NAV2: variants seen among roughly 807,000 people sequenced by gnomAD.
NAV2 encodes neuron navigator 2, also known as helicase, APC down-regulated 1.
NAV2 carries 54 observed loss-of-function variants against 223.2 expected under a neutral mutation model. The ratio of observed to expected loss-of-function variants is 0.24; its 90% confidence interval spans 0.19 to 0.30. NAV2 has a LOEUF of 0.30. Ranked by LOEUF, NAV2 falls within the 10% of genes least tolerant of loss-of-function variation. The pLI, the probability that NAV2 is intolerant of heterozygous loss-of-function variation, is 1.00. For missense variants in NAV2, 2,806 were observed against 3,147.5 expected, an observed-to-expected ratio of 0.89 and a Z score of 2.60; for synonymous variants, 1,279 against 1,239.3, an observed-to-expected ratio of 1.03 and a Z score of -0.67.
intron 1 of NAV2, among the ~76,000 whole-genome samples, chr11:19,726,334 C>T (rs1397571994): frequency 6.6e-6 from 1 of 152,198 alleles, no homozygotes; most frequent in Non-Finnish European, 1.5e-5. Context: ...TTATTTTCCC[C>T]AGTCTCCCAA....
chr11:19,459,204 A>C (rs1434468251), intron 1 of NAV2, among the ~76,000 whole-genome samples: 1 of 152,218 alleles, frequency 6.6e-6, no homozygotes, highest in Non-Finnish European at 1.5e-5. Context: ...CATTGAATTG[A>C]CCGGGGGTAG....
intron 11 of NAV2, among the ~76,000 whole-genome samples, chr11:20,028,720 G>C (rs1346805050): frequency 6.6e-6 from 1 of 152,160 alleles, no homozygotes; most frequent in Non-Finnish European, 1.5e-5. Context: ...GAAAATGGGG[G>C]TGGAATAATA....
intron 1 of NAV2, among the ~76,000 whole-genome samples, chr11:19,739,076 C>A (rs2152448853): frequency 6.6e-6 from 1 of 152,266 alleles, no homozygotes; most frequent in Admixed American, 6.5e-5. Context: ...AGCTACTCAG[C>A]AGGCTAAGGT....
intron 11 of NAV2, among the ~76,000 whole-genome samples, chr11:19,985,389 T>C (rs950528148): frequency 6.6e-6 from 1 of 152,162 alleles, no homozygotes; most frequent in African/African-American, 2.4e-5. Context: ...GAATGTGTCC[T>C]CCTTAGAGTC....
At chr11:20,095,572 C>CA in intron 29 of NAV2, 100 bp from the exon 30 acceptor site, 1 of 791,480 alleles carries the variant, frequency 1.3e-6, no homozygotes, top group Non-Finnish European at 2.2e-6. Flanking sequence ...ATTCCCCTCT[C>CA]AAACCATTGG....
chr11:19,673,760 A>G (rs1030515613), intron 1 of NAV2, among the ~76,000 whole-genome samples: 5 of 152,192 alleles, frequency 3.3e-5, no homozygotes, highest in Admixed American at 2.0e-4. Flanking sequence ...CCTCCCTTCC[A>G]TGATGGGTTA....
chr11:19,870,257 G>A (rs989860191), intron 4 of NAV2, among the ~76,000 whole-genome samples: 1 of 152,136 alleles, frequency 6.6e-6, no homozygotes, highest in Admixed American at 6.5e-5. Flanking sequence ...TTGCTGGGGG[G>A]CGGGGGTTTG....
At chr11:19,958,815 T>A (rs932562655) in intron 10 of NAV2, among the ~76,000 whole-genome samples, 2 of 152,096 alleles carry the variant, frequency 1.3e-5, no homozygotes, top group African/African-American at 4.8e-5. Flanking sequence ...GGCATTGTCA[T>A]GTTATTATGA....
chr11:20,037,015 G>A lies in NAV2; in HGVS notation c.2907+918G>A, dbSNP rs570228356. 2.6e-5 allele frequency among the ~76,000 whole-genome samples: 4 copies of A among 152,288 alleles called. No individual in the cohort carries two copies. The South Asian group carries it at 8.3e-4, about 32-fold the overall frequency. The stretch of plus-strand genomic sequence containing the variant: ...TGGTTCTGAAAGGCCCATTTTACTA[G>A]TGGAAACGTAAAGTGCTGTCCTCAC... On this transcript the variant is annotated intron_variant, in intron 12 of 37. Transcript: ENST00000349880.
At chr11:19,527,202 G>C (rs1278078643) in intron 1 of NAV2, among the ~76,000 whole-genome samples, 1 of 152,090 alleles carries the variant, frequency 6.6e-6, no homozygotes, top group Non-Finnish European at 1.5e-5. Flanking sequence ...CTGTTCTCAT[G>C]GTAATGAATA....
chr11:19,637,266 T>C (rs1379994328), intron 1 of NAV2, among the ~76,000 whole-genome samples: 1 of 152,196 alleles, frequency 6.6e-6, no homozygotes, highest in Non-Finnish European at 1.5e-5. Flanking sequence ...TTTGGCCTCC[T>C]GGCCACATGG....
chr11:19,888,944 A>G (rs1433396433), intron 5 of NAV2, among the ~76,000 whole-genome samples: 1 of 152,110 alleles, frequency 6.6e-6, no homozygotes, highest in Non-Finnish European at 1.5e-5. Context: ...TTACCAATAC[A>G]TCTGTAATCT....
In NAV2 at chr11:20,068,373, C is replaced by G; in HGVS notation, c.4958C>G (p.Ala1653Gly). 6.2e-7 allele frequency: 1 copy of G among 1,614,114 alleles called. No homozygotes were observed. The highest frequency in any genetic ancestry group is 1.1e-5 in the South Asian group (1 of 91,084). ...ELDASQEKVS[A>G]LTTQLTANAH... ...GATGCCTCCCAGGAGAAAGTTTCAG[C>G]TTTGACCACCCAGCTGACAGCAAAT... Residue 1653 changes from alanine to glycine, a missense_variant, in exon 22 of 38, where the codon GCT (alanine) becomes GGT (glycine). Coordinates refer to ENST00000349880, the MANE Select transcript of NAV2 (RefSeq NM_145117.5).
chr11:19,740,072 G>C (rs898626187), intron 1 of NAV2, among the ~76,000 whole-genome samples: 1 of 152,164 alleles, frequency 6.6e-6, no homozygotes, highest in Non-Finnish European at 1.5e-5. Context: ...GGAATCCTTT[G>C]TACTGCGCAC....
chr11:19,907,246 C>T (rs766398517), intron 6 of NAV2, among the ~76,000 whole-genome samples: 4 of 152,126 alleles, frequency 2.6e-5, no homozygotes, highest in Non-Finnish European at 4.4e-5. Context: ...CTCAGAGAGC[C>T]AGTTCTCCAC....
At chr11:19,662,842 C>G (rs1213380631) in intron 1 of NAV2, among the ~76,000 whole-genome samples, 1 of 152,252 alleles carries the variant, frequency 6.6e-6, no homozygotes, top group Non-Finnish European at 1.5e-5. Flanking sequence ...CCTCCTCTTG[C>G]CACTCCATAT....
At chr11:19,622,176 C>A (rs1284926356) in intron 1 of NAV2, among the ~76,000 whole-genome samples, 2 of 152,268 alleles carry the variant, frequency 1.3e-5, no homozygotes, top group East Asian at 3.9e-4. Context: ...TTACTTCCAA[C>A]TACGTGGTCA....
chr11:19,991,423 C>A (rs777116246), intron 11 of NAV2, among the ~76,000 whole-genome samples: 1 of 152,152 alleles, frequency 6.6e-6, no homozygotes, highest in Non-Finnish European at 1.5e-5. Context: ...CTGTGCCAAG[C>A]CTCCAAGATA....
intron 20 of NAV2, among the ~76,000 whole-genome samples, chr11:20,066,806 A>G (rs1015387073): frequency 6.6e-6 from 1 of 152,320 alleles, no homozygotes; most frequent in Non-Finnish European, 1.5e-5. Flanking sequence ...CAAGGACAAA[A>G]TAGAGTTCTT....
Sources: allele counts gnomAD v4.1 joint callset (sites outside exome capture counted in the v4.1 genomes callset), GRCh38; gene constraint gnomAD v4.1.1; transcripts MANE v1.5; gene names NCBI Gene and HGNC (gene_info 2026-07-23, HGNC 2026-07-21).